The following SH3BGRL2 variants were observed in gnomAD, a reference collection of about 807,000 sequenced individuals.
SH3BGRL2 encodes SH3 domain-binding glutamic acid-rich-like protein 2.
Under a neutral mutation model 14.8 loss-of-function variants are expected in SH3BGRL2, and 21 were observed. The ratio of observed to expected loss-of-function variants is 1.42; its 90% CI spans 1.01 to 2.05. SH3BGRL2 has a LOEUF of 2.05. Among genes scored for constraint, SH3BGRL2 ranks in the 30% most tolerant of loss-of-function variants. The probability of loss-of-function intolerance (pLI) is 0.00; values close to 1 mark genes in which losing one functional copy is unlikely to be tolerated. For synonymous variants in SH3BGRL2, 50 were observed against 47.8 expected (o/e 1.05, Z -0.19); for missense variants, 147 against 130.8 (o/e 1.12, Z -0.61).
the SH3BGRL2 span, among the ~76,000 whole-genome samples, chr6:79,569,210 T>G: frequency 6.6e-6 from 1 of 152,346 alleles, no homozygotes; most frequent in African/African-American, 2.4e-5. Flanking sequence ...AATTTCTGAT[T>G]GGCAATTGGT....
the SH3BGRL2 span, among the ~76,000 whole-genome samples, chr6:79,556,334 CAA>C: frequency 2.9e-4 from 44 of 152,038 alleles, no homozygotes; most frequent in Non-Finnish European, 5.9e-4. Context: ...ATTAAAAATA[CAA>C]AGTCTCCACT....
the SH3BGRL2 span, among the ~76,000 whole-genome samples, chr6:79,566,675 T>C: frequency 6.6e-6 from 1 of 152,044 alleles, no homozygotes; most frequent in African/African-American, 2.4e-5. Context: ...TACATAAAAA[T>C]CACTTATGGG....
the SH3BGRL2 span, among the ~76,000 whole-genome samples, chr6:79,538,619 G>A: frequency 0.025 from 3,880 of 152,250 alleles, 58 homozygotes; most frequent in Middle Eastern, 0.071. Flanking sequence ...CGTTATTATG[G>A]ACTCTGTTAG....
chr6:79,666,872 G>A (rs1032834766), intron 1 of SH3BGRL2, among the ~76,000 whole-genome samples: 1 of 152,204 alleles, frequency 6.6e-6, no homozygotes, highest in Non-Finnish European at 1.5e-5. Context: ...AAGAACTGTT[G>A]TGTTGAATAT....
chr6:79,659,665 AT>A (rs1267002745), intron 1 of SH3BGRL2, among the ~76,000 whole-genome samples: 1 of 152,084 alleles, frequency 6.6e-6, no homozygotes, highest in African/African-American at 2.4e-5. Flanking sequence ...TTTTTTTCCA[AT>A]TCTGTGAAGA....
chr6:79,582,418 G>A, the SH3BGRL2 span, among the ~76,000 whole-genome samples: 1 of 152,096 alleles, frequency 6.6e-6, no homozygotes, highest in Non-Finnish European at 1.5e-5. Flanking sequence ...AAACAGCATG[G>A]TACTCATACC....
chr6:79,546,403 G>A, the SH3BGRL2 span, among the ~76,000 whole-genome samples: 1 of 152,086 alleles, frequency 6.6e-6, no homozygotes, highest in Non-Finnish European at 1.5e-5. Flanking sequence ...AAATAATTAG[G>A]AGTCAAAACC....
chr6:79,541,936 C>G, the SH3BGRL2 span, among the ~76,000 whole-genome samples: 2 of 152,150 alleles, frequency 1.3e-5, no homozygotes, highest in African/African-American at 2.4e-5. Flanking sequence ...ATGAGATTAA[C>G]CAAATTTTGT....
chr6:79,571,246 C>T, the SH3BGRL2 span, among the ~76,000 whole-genome samples: 6 of 152,146 alleles, frequency 3.9e-5, no homozygotes, highest in South Asian at 2.1e-4. Context: ...CCTGAATGAA[C>T]GTCTCTCCTT....
In SH3BGRL2 at chr6:79,700,655, A is replaced by G. The variant is rs1770436382; in HGVS notation, c.*1146A>G. ...CACAAGTAAGGTTTCAGAGCAACAC[A>G]CATGAGAAAGAGAGTAACCCGGAAT... On this transcript the variant is annotated 3_prime_UTR_variant, in exon 4 of 4. Transcript: ENST00000369838. The G allele has an allele frequency of 6.6e-6, 1 of 152,226 alleles. No individual in the cohort carries two copies. Among genetic ancestry groups the G allele is most frequent in the Non-Finnish European group, 1.5e-5 (1 of 68,042 alleles). The allele number at this position is 152,226 out of a possible 1,614,324, so 9.4% of individuals were successfully genotyped here. A position where few individuals can be genotyped will look rare whatever the true frequency, so the allele number is the denominator to read the frequency against.
the SH3BGRL2 span, among the ~76,000 whole-genome samples, chr6:79,570,008 A>C: frequency 1.2e-4 from 18 of 152,320 alleles, no homozygotes; most frequent in African/African-American, 3.6e-4. Context: ...ATTACGGATA[A>C]ATTGAGAGAT....
the SH3BGRL2 span, among the ~76,000 whole-genome samples, chr6:79,590,438 T>G: frequency 1.3e-3 from 127 of 98,754 alleles, 5 homozygotes; most frequent in African/African-American, 3.8e-3. Flanking sequence ...TATATATATA[T>G]ATATATATAT....
At chr6:79,575,954 A>G in the SH3BGRL2 span, among the ~76,000 whole-genome samples, 1 of 149,304 alleles carries the variant, frequency 6.7e-6, no homozygotes, top group Non-Finnish European at 1.5e-5. Context: ...TTAAATGTTT[A>G]TAAGTTTTTT....
At chr6:79,678,889 G>A (rs1015619222) in intron 2 of SH3BGRL2, among the ~76,000 whole-genome samples, 2 of 152,140 alleles carry the variant, frequency 1.3e-5, no homozygotes, top group Non-Finnish European at 2.9e-5. Context: ...CTGTTCCTGT[G>A]TTAATTTGCT....
At chr6:79,650,931 T>A (rs1769278217) in intron 1 of SH3BGRL2, among the ~76,000 whole-genome samples, 2 of 148,942 alleles carry the variant, frequency 1.3e-5, no homozygotes, top group African/African-American at 4.9e-5. Flanking sequence ...AATGTATAAA[T>A]ATATAAATAA....
the SH3BGRL2 span, among the ~76,000 whole-genome samples, chr6:79,538,784 G>C: frequency 6.6e-6 from 1 of 152,218 alleles, no homozygotes; most frequent in Admixed American, 6.5e-5. Context: ...CATTTATTCA[G>C]CACTCAGAAT....
At chr6:79,627,094 C>G (rs879320487), upstream of SH3BGRL2, among the ~76,000 whole-genome samples, 1 of 152,156 alleles carries the variant, frequency 6.6e-6, no homozygotes, top group Non-Finnish European at 1.5e-5. Flanking sequence ...GGGCCACAGA[C>G]TAGCTTCCTC....
intron 2 of SH3BGRL2, among the ~76,000 whole-genome samples, chr6:79,691,676 G>A (rs997041191): frequency 1.3e-5 from 2 of 150,930 alleles, no homozygotes; most frequent in African/African-American, 4.9e-5. Context: ...CCCTACAAAG[G>A]ACATGAACTC....
chr6:79,631,367 A>T lies in SH3BGRL2; in HGVS notation c.-95A>T. ...CTTCCCCGACGGCAGCGCTTTACCC[A>T]GAGGCTGCCGGCGGCTCGTAGCTGG... On this transcript the variant is annotated 5_prime_UTR_variant, in exon 1 of 4. Coordinates refer to ENST00000369838, the MANE Select transcript of SH3BGRL2 (RefSeq NM_031469.4). 1 of 1,188,112 alleles carries T rather than the reference A, an allele frequency of 8.4e-7. No homozygotes were observed. Among genetic ancestry groups the T allele is most frequent in the Non-Finnish European group, 1.1e-6 (1 of 891,350 alleles). The allele number at this position is 1,188,112 out of a possible 1,614,324, so 73.6% of individuals were successfully genotyped here.
Sources: allele counts gnomAD v4.1 joint callset (sites outside exome capture counted in the v4.1 genomes callset), GRCh38; gene constraint gnomAD v4.1.1; transcripts MANE v1.5; gene names NCBI Gene and HGNC (gene_info 2026-07-23, HGNC 2026-07-21).